The following SORCS1 variants were observed in gnomAD, a reference collection of about 807,000 sequenced individuals.
SORCS1 encodes the protein VPS10 domain-containing receptor SorCS1.
SORCS1 carries 60 observed loss-of-function variants against 146.1 expected under a neutral mutation model. That is an observed-to-expected ratio of 0.41 (90% CI 0.33 to 0.51). SORCS1 has a LOEUF of 0.51. Among genes scored for constraint, SORCS1 ranks in the 20% least tolerant of loss-of-function variants. The pLI, the probability that SORCS1 is intolerant of heterozygous loss-of-function variation, is 0.21. For synonymous variants in SORCS1, 637 were observed against 584.0 expected (o/e 1.09, Z -1.31); for missense variants, 1,352 against 1,487.6 (o/e 0.91, Z 1.50).
At chr10:107,102,468 A>G (rs552753948) in intron 1 of SORCS1, among the ~76,000 whole-genome samples, 4 of 152,190 alleles carry the variant, frequency 2.6e-5, no homozygotes, top group Non-Finnish European at 5.9e-5. Flanking sequence ...AGCAGTGGCA[A>G]GATATTGGAT....
chr10:107,178,573 A>G, the SORCS1 span, among the ~76,000 whole-genome samples: 13 of 151,956 alleles, frequency 8.6e-5, no homozygotes, highest in Non-Finnish European at 5.9e-5. Context: ...ATTTAGGCTC[A>G]CTGCAACCTC....
intron 8 of SORCS1, among the ~76,000 whole-genome samples, chr10:106,700,389 T>G (rs978125215): frequency 2.0e-5 from 3 of 152,110 alleles, no homozygotes; most frequent in Admixed American, 6.5e-5. Flanking sequence ...TTGCCCAAGA[T>G]AGTAGTCATA....
intron 6 of SORCS1, among the ~76,000 whole-genome samples, chr10:106,719,884 G>A (rs1405142218): frequency 6.6e-6 from 1 of 152,120 alleles, no homozygotes; most frequent in African/African-American, 2.4e-5. Context: ...CTGGCCTTCT[G>A]TTATGCCTCA....
Position 107,051,381 on chromosome 10 carries a change from T to C in SORCS1, c.559-94801A>G, listed in dbSNP as rs576286026. ...GCTGAGAGCCATTTTGTCAAGTCCA[T>C]AGTACAGAAAGCTCAGTATGTGTCT... On this transcript the variant is annotated intron_variant, in intron 1 of 25. Coordinates refer to ENST00000263054, the MANE Select transcript of SORCS1 (RefSeq NM_052918.5). Among the ~76,000 whole-genome samples the C allele has an allele frequency of 2.6e-5, 4 of 152,256 alleles. 1 individual carries two copies. The highest frequency in any genetic ancestry group is 4.1e-4 in the South Asian group (2 of 4,826).
At chr10:106,620,258 G>C in intron 20 of SORCS1, 170 bp downstream of exon 20, 2 of 734,048 alleles carry the variant, frequency 2.7e-6, no homozygotes, top group Non-Finnish European at 2.1e-6. Flanking sequence ...CAGAGAGAGA[G>C]AGAGAGAGAA....
chr10:107,004,347 G>A (rs991740870), intron 1 of SORCS1, among the ~76,000 whole-genome samples: 1 of 152,054 alleles, frequency 6.6e-6, no homozygotes, highest in African/African-American at 2.4e-5. Flanking sequence ...ACATACCCAA[G>A]ACTGGGTAAC....
At chr10:107,144,062 T>TTCCCCTTA (rs1222407310) in intron 1 of SORCS1, among the ~76,000 whole-genome samples, 8 of 152,302 alleles carry the variant, frequency 5.3e-5, no homozygotes, top group Admixed American at 2.0e-4. Context: ...TTTTGTGCTC[T>TTCCCCTTA]GAGGGGCCAC....
chr10:106,806,155 G>A (rs1459488331), intron 3 of SORCS1, among the ~76,000 whole-genome samples: 2 of 151,140 alleles, frequency 1.3e-5, no homozygotes, highest in African/African-American at 4.9e-5. Context: ...GGATCACGAG[G>A]TCAAGAGATC....
chr10:106,923,152 G>A (rs111631224), intron 2 of SORCS1, among the ~76,000 whole-genome samples: 3 of 152,278 alleles, frequency 2.0e-5, no homozygotes, highest in African/African-American at 7.2e-5. Flanking sequence ...GCATCCCAAA[G>A]TGCTGGGATT....
At chr10:107,068,641 C>T (rs781609025) in intron 1 of SORCS1, among the ~76,000 whole-genome samples, 5 of 152,070 alleles carry the variant, frequency 3.3e-5, no homozygotes, top group African/African-American at 4.8e-5. Flanking sequence ...CCAAGGCAGG[C>T]GGATCACAAG....
chr10:106,905,912 C>T (rs1951889464), intron 2 of SORCS1, among the ~76,000 whole-genome samples: 1 of 152,202 alleles, frequency 6.6e-6, no homozygotes, highest in Non-Finnish European at 1.5e-5. Flanking sequence ...ATCAGTCTCT[C>T]TGATAATCTG....
intron 1 of SORCS1, among the ~76,000 whole-genome samples, chr10:107,144,592 C>A (rs1297026640): frequency 6.6e-6 from 1 of 152,250 alleles, no homozygotes; most frequent in Non-Finnish European, 1.5e-5. Context: ...GAGCATGACT[C>A]TGCAGCTAGC....
intron 24 of SORCS1, among the ~76,000 whole-genome samples, chr10:106,595,535 G>A (rs1209998185): frequency 6.6e-6 from 1 of 152,044 alleles, no homozygotes; most frequent in Non-Finnish European, 1.5e-5. Flanking sequence ...TCCATGCTGA[G>A]GAACAGTGAC....
At chr10:106,882,706 G>C (rs897513390) in intron 2 of SORCS1, among the ~76,000 whole-genome samples, 1 of 152,074 alleles carries the variant, frequency 6.6e-6, no homozygotes, top group African/African-American at 2.4e-5. Flanking sequence ...TTGTGTGGAG[G>C]CGGGGACAAA....
chr10:106,751,158 A>C (rs1348073385), intron 5 of SORCS1, among the ~76,000 whole-genome samples: 1 of 151,876 alleles, frequency 6.6e-6, no homozygotes, highest in African/African-American at 2.4e-5. Flanking sequence ...CAATAAAAAA[A>C]GAAGAAGAAA....
chr10:106,992,663 T>C (rs574486791), intron 1 of SORCS1, among the ~76,000 whole-genome samples: 2 of 144,658 alleles, frequency 1.4e-5, no homozygotes, highest in Non-Finnish European at 3.1e-5. Flanking sequence ...CCTGGCTAAT[T>C]AAAAAAAAAA....
Position 106,970,020 on chromosome 10 carries a change from A to ACTCTATGGCCAT in SORCS1, c.559-13452_559-13441dup, listed in dbSNP as rs1179848556. Reference sequence around the variant, plus strand: ...TCTGTGACACTAAGAAAGTCAATATACTCTATGGCCATACCACCCTGAACG... The same window carrying ACTCTATGGCCAT: ...TCTGTGACACTAAGAAAGTCAATATACTCTATGGCCATCTCTATGGCCATACCACCCTGAACG... On this transcript the variant is annotated intron_variant, in intron 1 of 25. Transcript: ENST00000263054. The ACTCTATGGCCAT allele has an allele frequency of 2.0e-5, 3 of 152,136 alleles. No homozygotes were observed. The East Asian group carries it at 5.8e-4, about 29-fold the overall frequency. The allele number at this position is 152,136 out of a possible 1,614,324, so 9.4% of individuals were successfully genotyped here. A position where few individuals can be genotyped will look rare whatever the true frequency, so the allele number is the denominator to read the frequency against.
chr10:106,965,331 C>G (rs549631920), intron 1 of SORCS1, among the ~76,000 whole-genome samples: 1 of 152,226 alleles, frequency 6.6e-6, no homozygotes, highest in East Asian at 1.9e-4. Flanking sequence ...CCTCACCAAC[C>G]AGGATCCTGC....
intron 5 of SORCS1, among the ~76,000 whole-genome samples, chr10:106,746,283 T>G (rs1383380929): frequency 6.6e-6 from 1 of 152,238 alleles, no homozygotes; most frequent in South Asian, 2.1e-4. Context: ...ATGTTAACAT[T>G]AGGTAAAGCT....
Sources: gnomAD v4.1 joint callset for allele counts (sites outside exome capture counted in the v4.1 genomes callset) on GRCh38, gnomAD v4.1.1 for gene constraint, MANE v1.5 for transcripts, NCBI Gene and HGNC (gene_info 2026-07-23, HGNC 2026-07-21) for gene names.